BMPR1B: variants seen among roughly 807,000 people sequenced by gnomAD.
The protein encoded by BMPR1B is bone morphogenetic protein receptor type 1B.
Under a neutral mutation model 59.1 loss-of-function variants are expected in BMPR1B, and 12 were observed. That is an observed-to-expected ratio of 0.20 (90% CI 0.13 to 0.33). The LOEUF is 0.33. BMPR1B is among the 10% of genes least tolerant of loss of function. BMPR1B has a pLI of 1.00. For synonymous variants in BMPR1B, 237 were observed against 207.3 expected, an observed-to-expected ratio of 1.14 and a Z score of -1.23; for missense variants, 550 against 610.9, an observed-to-expected ratio of 0.90 and a Z score of 1.05.
At chr4:94,930,854 G>A (rs1729071109) in intron 2 of BMPR1B, among the ~76,000 whole-genome samples, 1 of 151,956 alleles carries the variant, frequency 6.6e-6, no homozygotes, top group African/African-American at 2.4e-5. Context: ...TTGAAATGAG[G>A]CCTTATTGTG....
At chr4:94,929,365 T>C (rs41420348) in intron 2 of BMPR1B, among the ~76,000 whole-genome samples, 33,183 of 152,040 alleles carry the variant, frequency 0.22, 3,646 homozygotes, top group South Asian at 0.32. Context: ...TCACATCATA[T>C]TTGCTCCTCT....
intron 4 of BMPR1B, among the ~76,000 whole-genome samples, chr4:95,111,732 C>T (rs1731646296): frequency 6.6e-6 from 1 of 152,060 alleles, no homozygotes; most frequent in African/African-American, 2.4e-5. Context: ...GGTTAAATGC[C>T]TGATGATTTT....
At chr4:94,915,127 G>C (rs572919678) in intron 2 of BMPR1B, among the ~76,000 whole-genome samples, 2 of 152,178 alleles carry the variant, frequency 1.3e-5, no homozygotes, top group African/African-American at 4.8e-5. Context: ...TAAATGCCTT[G>C]AATTTTGCAT....
At chr4:95,072,605 A>T (rs1314449084) in intron 3 of BMPR1B, among the ~76,000 whole-genome samples, 3 of 152,304 alleles carry the variant, frequency 2.0e-5, no homozygotes, top group Admixed American at 1.3e-4. Context: ...GATATTTTTC[A>T]TGTATATTGA....
At chr4:95,142,925 A>C (rs1191419091) in intron 10 of BMPR1B, among the ~76,000 whole-genome samples, 1 of 151,710 alleles carries the variant, frequency 6.6e-6, no homozygotes, top group African/African-American at 2.4e-5. Flanking sequence ...GGCTGAAGAG[A>C]TACTATATTT....
At position 95,154,490 on chromosome 4, in the gene BMPR1B, A is replaced by T; in HGVS notation, c.1384-58A>T. The T allele has an allele frequency of 8.1e-6, 13 of 1,611,544 alleles. No homozygotes were observed. The South Asian group carries it at 1.4e-4, about 18-fold the overall frequency. On this transcript the variant is annotated intron_variant, in intron 12 of 12. Coordinates refer to ENST00000515059, the MANE Select transcript of BMPR1B (RefSeq NM_001203.3). ...AATGAACCTAAAACTAAAAAGCTAC[A>T]TTGTAACAGGTGCCAGCCTTGCAGA...
chr4:94,948,950 T>C (rs560182405), intron 2 of BMPR1B, among the ~76,000 whole-genome samples: 1 of 152,306 alleles, frequency 6.6e-6, no homozygotes, highest in South Asian at 2.1e-4. Context: ...AGTATTCTTT[T>C]GTCTGCAAAT....
At chr4:94,813,024 A>T (rs1023633470) in intron 1 of BMPR1B, among the ~76,000 whole-genome samples, 1 of 150,910 alleles carries the variant, frequency 6.6e-6, no homozygotes. Context: ...TTCATCTTCC[A>T]TAGGGTTTTT....
intron 1 of BMPR1B, among the ~76,000 whole-genome samples, chr4:94,790,882 T>C (rs1289183750): frequency 6.6e-6 from 1 of 152,190 alleles, no homozygotes; most frequent in African/African-American, 2.4e-5. Context: ...TTCTAAGTAG[T>C]GTTTCTTAAT....
intron 2 of BMPR1B, among the ~76,000 whole-genome samples, chr4:94,930,284 T>A (rs1323037236): frequency 6.6e-6 from 1 of 152,072 alleles, no homozygotes; most frequent in Non-Finnish European, 1.5e-5. Context: ...ATTGCTTAGA[T>A]CTTCTGGTTG....
chr4:95,137,747 T>C (rs1387697281), intron 10 of BMPR1B, among the ~76,000 whole-genome samples: 3 of 152,200 alleles, frequency 2.0e-5, no homozygotes, highest in African/African-American at 4.8e-5. Flanking sequence ...TTTTCTGTTT[T>C]CCATTTGCTT....
intron 1 of BMPR1B, among the ~76,000 whole-genome samples, chr4:94,770,180 G>GGTT (rs771544268): frequency 2.6e-4 from 28 of 106,254 alleles, no homozygotes; most frequent in African/African-American, 1.1e-3. Context: ...CTTCGTTTCT[G>GGTT]TGTTTGTTTT....
At chr4:94,894,465 C>G (rs3755872) in intron 2 of BMPR1B, among the ~76,000 whole-genome samples, 26,963 of 143,968 alleles carry the variant, frequency 0.19, 2,521 homozygotes, top group South Asian at 0.23. Flanking sequence ...AGAGAGAAAG[C>G]GAGAAATCCC....
chr4:95,079,920 A>G (rs1290327410), intron 3 of BMPR1B, among the ~76,000 whole-genome samples: 3 of 152,146 alleles, frequency 2.0e-5, no homozygotes, highest in African/African-American at 7.2e-5. Flanking sequence ...CTTTCTGTAT[A>G]TGCTTGTTTA....
At chr4:94,938,665 A>G (rs1338212302) in intron 2 of BMPR1B, among the ~76,000 whole-genome samples, 1 of 152,214 alleles carries the variant, frequency 6.6e-6, no homozygotes, top group African/African-American at 2.4e-5. Context: ...AGAAAACTGT[A>G]ATAATAGCTT....
At chr4:95,134,269 T>C (rs1733604117) in intron 10 of BMPR1B, among the ~76,000 whole-genome samples, 1 of 152,204 alleles carries the variant, frequency 6.6e-6, no homozygotes, top group African/African-American at 2.4e-5. Context: ...ATCCAGTCTA[T>C]CATCGATGTA....
intron 10 of BMPR1B, among the ~76,000 whole-genome samples, chr4:95,148,392 CTGAG>C (rs1407583093): frequency 6.6e-6 from 1 of 151,732 alleles, no homozygotes; most frequent in East Asian, 1.9e-4. Context: ...TTCATTCTGA[CTGAG>C]TTTTATCTTC....
At position 95,026,142 on chromosome 4, in the gene BMPR1B, C is replaced by CTTTCTTTCTT. The variant is rs1346271882; in HGVS notation, c.-18+30010_-18+30019dup. Among the ~76,000 whole-genome samples the CTTTCTTTCTT allele has an allele frequency of 3.4e-5, 5 of 146,948 alleles. No individual in the cohort carries two copies. In the East Asian group the frequency reaches 1.0e-3, roughly 29 times the overall value. On this transcript the variant is annotated intron_variant, in intron 3 of 12. Transcript: ENST00000515059. ...TCTTTCTTTCTTTCTTTCTTTCTTT[C>CTTTCTTTCTT]TTTCTTTCTTTCTTTCTTTCTCTTT...
At chr4:94,760,732 AGT>A (rs1721730355) in intron 1 of BMPR1B, among the ~76,000 whole-genome samples, 1 of 152,330 alleles carries the variant, frequency 6.6e-6, no homozygotes, top group East Asian at 1.9e-4. Flanking sequence ...GAGGTGAGAT[AGT>A]GTCCCTTGTT....
Sources: allele counts gnomAD v4.1 joint callset (sites outside exome capture counted in the v4.1 genomes callset), GRCh38; gene constraint gnomAD v4.1.1; transcripts MANE v1.5; gene names NCBI Gene and HGNC (gene_info 2026-07-23, HGNC 2026-07-21).